Variants in ASPRV1 observed in about 807,000 individuals in gnomAD.
ASPRV1 encodes the protein aspartic peptidase retroviral like 1.
ASPRV1 carries 7 observed loss-of-function variants against 11.0 expected under a neutral mutation model. That is an observed-to-expected ratio of 0.64 (90% CI 0.36 to 1.20). ASPRV1 has a LOEUF of 1.20. Ranked by LOEUF, ASPRV1 falls within the 50% of genes most tolerant of loss-of-function variation. The pLI is 0.02. For missense variants in ASPRV1, 299 were observed against 320.0 expected, an observed-to-expected ratio of 0.93 and a Z score of 0.50; for synonymous variants, 136 against 138.4, an observed-to-expected ratio of 0.98 and a Z score of 0.12.
At chr2:70,072,850 G>C in the ASPRV1 span, among the ~76,000 whole-genome samples, 2 of 148,516 alleles carry the variant, frequency 1.3e-5, no homozygotes, top group East Asian at 4.0e-4. Flanking sequence ...CCAGGAATTC[G>C]AGACCAGTCT....
At chr2:70,030,969 A>T in the ASPRV1 span, 2 of 152,194 alleles carry the variant, frequency 1.3e-5, no homozygotes, top group Non-Finnish European at 2.9e-5. Context: ...ATTAATCAAA[A>T]TATTACATAA....
At chr2:70,038,637 GAC>G in the ASPRV1 span, among the ~76,000 whole-genome samples, 1 of 152,196 alleles carries the variant, frequency 6.6e-6, no homozygotes, top group Non-Finnish European at 1.5e-5. Flanking sequence ...GTAGGCTCTG[GAC>G]ACACAGAAGT....
the ASPRV1 span, among the ~76,000 whole-genome samples, chr2:70,071,149 A>G: frequency 2.0e-5 from 3 of 152,204 alleles, no homozygotes; most frequent in Non-Finnish European, 4.4e-5. Flanking sequence ...CAAACCCTCC[A>G]AACTCACAGA....
the ASPRV1 span, chr2:69,998,000 TAGA>T: frequency 6.6e-6 from 1 of 152,236 alleles, no homozygotes; most frequent in Non-Finnish European, 1.5e-5. Flanking sequence ...AACTGAGGCA[TAGA>T]AAGTCTCAGG....
At chr2:70,059,542 G>A in the ASPRV1 span, 1 of 152,206 alleles carries the variant, frequency 6.6e-6, no homozygotes, top group South Asian at 2.1e-4. Context: ...ACAAAGGGGA[G>A]GGAATGGTCT....
At chr2:69,990,206 C>G in the ASPRV1 span, among the ~76,000 whole-genome samples, 1 of 151,944 alleles carries the variant, frequency 6.6e-6, no homozygotes, top group South Asian at 2.1e-4. Flanking sequence ...TTTTTTGAAA[C>G]AGAGTCTCAC....
the ASPRV1 span, chr2:69,975,668 G>C: frequency 6.6e-6 from 1 of 152,364 alleles, no homozygotes; most frequent in Admixed American, 6.5e-5. Context: ...GCGTGAAGGA[G>C]ACAGGAGGCA....
chr2:69,987,466 T>C, the ASPRV1 span, among the ~76,000 whole-genome samples: 2 of 151,354 alleles, frequency 1.3e-5, no homozygotes. Flanking sequence ...AAAAAATCAG[T>C]TCGGGGTGGT....
the ASPRV1 span, among the ~76,000 whole-genome samples, chr2:70,044,514 C>T: frequency 6.6e-6 from 1 of 152,178 alleles, no homozygotes; most frequent in African/African-American, 2.4e-5. Context: ...GGCTAGAGTG[C>T]AATGACACGA....
chr2:70,052,182 G>A, the ASPRV1 span, among the ~76,000 whole-genome samples: 1 of 152,040 alleles, frequency 6.6e-6, no homozygotes, highest in Admixed American at 6.6e-5. Context: ...GAAGGGAAGA[G>A]AGATAGGGAA....
chr2:70,019,031 T>C, the ASPRV1 span: 2 of 152,190 alleles, frequency 1.3e-5, no homozygotes, highest in Non-Finnish European at 2.9e-5. Context: ...TGTTATGATC[T>C]AAAGTGTAGA....
At chr2:69,989,482 G>A in the ASPRV1 span, among the ~76,000 whole-genome samples, 1 of 152,318 alleles carries the variant, frequency 6.6e-6, no homozygotes, top group Admixed American at 6.5e-5. Context: ...CCAGGAATGG[G>A]GGGCTGTGGG....
the ASPRV1 span, among the ~76,000 whole-genome samples, chr2:70,040,521 C>G: frequency 6.6e-6 from 1 of 152,130 alleles, no homozygotes; most frequent in East Asian, 1.9e-4. Context: ...AAGTTTTCCA[C>G]AGTTATAAGC....
the ASPRV1 span, among the ~76,000 whole-genome samples, chr2:69,954,926 T>A: frequency 6.6e-6 from 1 of 152,210 alleles, no homozygotes; most frequent in African/African-American, 2.4e-5. Context: ...GCACCACATG[T>A]GCCTTGGAGA....
At chr2:70,047,309 T>C in the ASPRV1 span, among the ~76,000 whole-genome samples, 1 of 152,186 alleles carries the variant, frequency 6.6e-6, no homozygotes, top group African/African-American at 2.4e-5. Flanking sequence ...CCCAGGGGCA[T>C]GCAAGAAGCT....
the ASPRV1 span, among the ~76,000 whole-genome samples, chr2:69,996,108 T>C: frequency 4.7e-5 from 7 of 149,330 alleles, no homozygotes; most frequent in Non-Finnish European, 1.0e-4. Context: ...AGGTGGGGTG[T>C]CGAGGTTCAC....
chr2:70,078,827 T>C, the ASPRV1 span, among the ~76,000 whole-genome samples: 2 of 152,180 alleles, frequency 1.3e-5, no homozygotes, highest in Non-Finnish European at 2.9e-5. Flanking sequence ...ATCTGATATA[T>C]ACTTAAAAGG....
chr2:70,051,670 G>A, the ASPRV1 span, among the ~76,000 whole-genome samples: 7 of 152,102 alleles, frequency 4.6e-5, no homozygotes, highest in African/African-American at 1.7e-4. Context: ...ACCAAGTATA[G>A]AGCATGGATA....
chr2:69,993,954 G>T, the ASPRV1 span: 2 of 152,274 alleles, frequency 1.3e-5, no homozygotes, highest in African/African-American at 4.8e-5. Context: ...AGATGTCAGC[G>T]AAGCTTGAGG....
Sources: gnomAD v4.1 joint callset for allele counts (sites outside exome capture counted in the v4.1 genomes callset) on GRCh38, gnomAD v4.1.1 for gene constraint, MANE v1.5 for transcripts, NCBI Gene and HGNC (gene_info 2026-07-23, HGNC 2026-07-21) for gene names.